Variants in MAP3K5 observed in about 807,000 individuals in gnomAD.
The protein encoded by MAP3K5 is ASK-1.
A neutral mutation model predicts 158.7 loss-of-function variants in MAP3K5; 56 were observed. That is an observed-to-expected ratio of 0.35 (90% confidence interval 0.28 to 0.44). The LOEUF is 0.44. Among genes scored for constraint, MAP3K5 ranks in the 20% least tolerant of loss-of-function variants. MAP3K5 has a pLI of 1.00. For synonymous variants in MAP3K5, 579 were observed against 601.7 expected (o/e 0.96, Z 0.55); for missense variants, 1,294 against 1,674.8 (o/e 0.77, Z 3.97).
At chr6:136,579,138 T>A (rs980959701) in intron 25 of MAP3K5, among the ~76,000 whole-genome samples, 18 of 152,208 alleles carry the variant, frequency 1.2e-4, no homozygotes, top group African/African-American at 4.3e-4. Flanking sequence ...TTTGTTTATA[T>A]AAATATATAT....
At chr6:136,648,335 C>G (rs1451508940) in intron 11 of MAP3K5, among the ~76,000 whole-genome samples, 1 of 152,124 alleles carries the variant, frequency 6.6e-6, no homozygotes, top group African/African-American at 2.4e-5. Context: ...GTTACCACAA[C>G]CTATTGGTAG....
chr6:136,777,236 A>G (rs917836393), intron 1 of MAP3K5, among the ~76,000 whole-genome samples: 2 of 152,230 alleles, frequency 1.3e-5, no homozygotes, highest in African/African-American at 4.8e-5. Flanking sequence ...GCTAAGAGAT[A>G]TATCAGTTTT....
At chr6:136,625,514 T>TC (rs1258411965) in intron 14 of MAP3K5, among the ~76,000 whole-genome samples, 1 of 152,236 alleles carries the variant, frequency 6.6e-6, no homozygotes, top group Admixed American at 6.5e-5. Flanking sequence ...CTGGTTTGTC[T>TC]CAAGACTGAG....
At chr6:136,566,481 T>C (rs372077406) in intron 26 of MAP3K5, among the ~76,000 whole-genome samples, 42 of 152,096 alleles carry the variant, frequency 2.8e-4, no homozygotes, top group African/African-American at 9.4e-4. Flanking sequence ...CATGGACACC[T>C]TCCATAACGA....
Position 136,791,806 on chromosome 6 carries a change from C to T in MAP3K5, c.352G>A (p.Glu118Lys), listed in dbSNP as rs1320218957. The change falls in exon 1 of 30, where the codon GAG becomes AAG. Residue 118 changes from glutamate (E) to lysine (K), a missense_variant. By Grantham distance (56) the Glu-to-Lys change is moderately conservative. This residue lies in a region of MAP3K5 where 690 missense variants were observed against 870.5 expected (regional missense o/e 0.79). Transcript: ENST00000359015. The part of the protein sequence containing the change: ...AESEALQSLR[E>K]ACETVGATLE... ...GTGGCGCCCACTGTCTCGCACGCCT[C>T]CCGCAAGCTCTGCAGGGCCTCGCTC... The T allele has an allele frequency of 2.5e-6, 4 of 1,613,774 alleles. No homozygotes were observed. The South Asian group carries it at 4.4e-5, about 18-fold the overall frequency.
At position 136,764,817 on chromosome 6, in the gene MAP3K5, CAGAG is replaced by C. The variant is rs551755154; in HGVS notation, c.448+26889_448+26892del. On this transcript the variant is annotated intron_variant, in intron 1 of 29. Coordinates refer to ENST00000359015, the MANE Select transcript of MAP3K5 (RefSeq NM_005923.4). ...TGCTAAGACATCAGCTTTCTCATGGCAGAGAGATTATGTAAGAGGCAGAACTGAA... is the reference window on the plus strand; with the variant it reads ...TGCTAAGACATCAGCTTTCTCATGGCAGATTATGTAAGAGGCAGAACTGAA... Among the ~76,000 whole-genome samples the C allele has an allele frequency of 1.7e-3, 259 of 152,274 alleles. 1 individual carries two copies. The highest frequency in any genetic ancestry group is 6.1e-3 in the African/African-American group (252 of 41,554).
At chr6:136,721,061 G>T (rs985324743) in intron 1 of MAP3K5, among the ~76,000 whole-genome samples, 1 of 152,102 alleles carries the variant, frequency 6.6e-6, no homozygotes, top group Non-Finnish European at 1.5e-5. Flanking sequence ...TTACAGGTGT[G>T]AGCCACCATG....
intron 1 of MAP3K5, among the ~76,000 whole-genome samples, chr6:136,788,213 G>C (rs893056080): frequency 6.6e-6 from 1 of 152,140 alleles, no homozygotes; most frequent in Non-Finnish European, 1.5e-5. Flanking sequence ...TTCAATAAAT[G>C]GTGCTGGCTA....
intron 1 of MAP3K5, among the ~76,000 whole-genome samples, chr6:136,779,830 T>C (rs1304554788): frequency 6.6e-6 from 1 of 152,240 alleles, no homozygotes; most frequent in Non-Finnish European, 1.5e-5. Context: ...CCTAGAGGAC[T>C]GACATCCTGT....
intron 3 of MAP3K5, among the ~76,000 whole-genome samples, chr6:136,703,043 C>A (rs753223681): frequency 2.0e-5 from 3 of 152,072 alleles, no homozygotes; most frequent in Non-Finnish European, 4.4e-5. Flanking sequence ...TTTAAAAAAA[C>A]CTCCAATTCT....
intron 7 of MAP3K5, among the ~76,000 whole-genome samples, chr6:136,671,223 T>C (rs1354698826): frequency 6.6e-6 from 1 of 152,174 alleles, no homozygotes; most frequent in Non-Finnish European, 1.5e-5. Context: ...TGAAGACATA[T>C]CGAAATGAAT....
At chr6:136,723,458 G>A (rs929185780) in intron 1 of MAP3K5, among the ~76,000 whole-genome samples, 2 of 152,030 alleles carry the variant, frequency 1.3e-5, no homozygotes, top group Non-Finnish European at 2.9e-5. Context: ...TACCTGAAAA[G>A]TTGTACACCA....
chr6:136,580,390 C>T lies in MAP3K5; in HGVS notation c.3428G>A (p.Arg1143Gln), dbSNP rs1774815435. 2 of 1,611,270 alleles carry T rather than the reference C, an allele frequency of 1.2e-6. No homozygotes were observed. Among genetic ancestry groups the T allele is most frequent in the East Asian group, 2.2e-5 (1 of 44,832 alleles). ...GFQDAVNKVL[R>Q]NHNIKPHWMF... ...CCAGTGCGGCTTGATGTTATGATTC[C>T]GAAGAACTTTATTGACCTGGAGAGA... The change falls in exon 25 of 30, where the codon CGG (arginine) becomes CAG (glutamine). Residue 1143 changes from arginine (R) to glutamine (Q), a missense_variant. Physicochemically the swap from Arg to Gln is conservative, Grantham distance 43. This residue lies in a region of MAP3K5 where 362 missense variants were observed against 463.2 expected (regional missense o/e 0.78). Transcript: ENST00000359015.
chr6:136,755,094 T>C (rs541943501), intron 1 of MAP3K5, among the ~76,000 whole-genome samples: 2 of 152,218 alleles, frequency 1.3e-5, no homozygotes, highest in South Asian at 2.1e-4. Flanking sequence ...AAAATTCATG[T>C]TGATCTTTTT....
intron 1 of MAP3K5, among the ~76,000 whole-genome samples, chr6:136,767,127 A>G (rs544415481): frequency 1.5e-4 from 23 of 152,354 alleles, no homozygotes; most frequent in African/African-American, 5.3e-4. Context: ...AAATCTTTCA[A>G]AAAATATTCT....
At chr6:136,605,149 G>A (rs1305460970) in intron 19 of MAP3K5, 60 bp downstream of exon 19, 5 of 1,533,368 alleles carry the variant, frequency 3.3e-6, no homozygotes, top group Non-Finnish European at 4.5e-6. Flanking sequence ...CACACACACA[G>A]AACATCCAAC....
At chr6:136,740,204 C>T (rs868560111) in intron 1 of MAP3K5, among the ~76,000 whole-genome samples, 2 of 152,172 alleles carry the variant, frequency 1.3e-5, no homozygotes, top group African/African-American at 2.4e-5. Flanking sequence ...TGCAATTTTT[C>T]GTCTTTTCTT....
intron 1 of MAP3K5, among the ~76,000 whole-genome samples, chr6:136,738,046 T>G (rs1782549496): frequency 6.6e-6 from 1 of 152,198 alleles, no homozygotes; most frequent in African/African-American, 2.4e-5. Context: ...AATGGACATG[T>G]ACACCACCAC....
At chr6:136,737,940 A>T (rs1782544941) in intron 1 of MAP3K5, among the ~76,000 whole-genome samples, 1 of 152,182 alleles carries the variant, frequency 6.6e-6, no homozygotes, top group Non-Finnish European at 1.5e-5. Context: ...GAATTTCAGG[A>T]TGCAGGGCCT....
Sources: gnomAD v4.1 joint callset for allele counts (sites outside exome capture counted in the v4.1 genomes callset) on GRCh38, gnomAD v4.1.1 for gene constraint, gnomAD v4.1.1 regional missense constraint, MANE v1.5 for transcripts, NCBI Gene and HGNC (gene_info 2026-07-23, HGNC 2026-07-21) for gene names.